Variants in LRRC20 observed in about 807,000 individuals in gnomAD.
The protein encoded by LRRC20 is leucine rich repeat containing 20.
LRRC20 carries 11 observed loss-of-function variants against 14.4 expected under a neutral mutation model. The ratio of observed to expected loss-of-function variants is 0.77; its 90% CI spans 0.48 to 1.27. The LOEUF (loss-of-function observed/expected upper bound fraction) is 1.27. Among genes scored for constraint, LRRC20 ranks in the 50% most tolerant of loss-of-function variants. LRRC20 has a pLI of 0.00. For synonymous variants in LRRC20, 121 were observed against 107.3 expected (o/e 1.13, Z -0.79); for missense variants, 219 against 251.2 (o/e 0.87, Z 0.87).
chr10:70,349,298 C>A lies in LRRC20; in HGVS notation c.83-8596G>T, dbSNP rs559442676. 1.8e-3 allele frequency among the ~76,000 whole-genome samples: 274 copies of A among 152,328 alleles called. 1 individual carries two copies. The highest frequency in any genetic ancestry group is 6.2e-3 in the African/African-American group (257 of 41,564). On this transcript the variant is annotated intron_variant, in intron 2 of 4. Transcript: ENST00000446961. ...CCCATTCAAGTTAATAAGCGCAGGGCTGGGCATGGTGGCTCATGCCTGTAA... is the reference window on the plus strand; with the variant it reads ...CCCATTCAAGTTAATAAGCGCAGGGATGGGCATGGTGGCTCATGCCTGTAA...
At chr10:70,327,312 C>T (rs1030717665) in intron 3 of LRRC20, among the ~76,000 whole-genome samples, 6 of 152,128 alleles carry the variant, frequency 3.9e-5, no homozygotes, top group Admixed American at 2.0e-4. Context: ...CAGTGGCTCA[C>T]GCCTGTAATC....
At chr10:70,323,805 T>C in intron 4 of LRRC20, 58 bp downstream of exon 4, 1 of 1,587,444 alleles carries the variant, frequency 6.3e-7, no homozygotes, top group Non-Finnish European at 8.6e-7. Flanking sequence ...TCCAGAGTCC[T>C]GTGGCCCATG....
At chr10:70,317,138 T>C (rs1199766176) in intron 4 of LRRC20, among the ~76,000 whole-genome samples, 1 of 152,182 alleles carries the variant, frequency 6.6e-6, no homozygotes, top group East Asian at 1.9e-4. Flanking sequence ...AGGTTTGACA[T>C]TGTCCTTCCA....
At chr10:70,318,328 A>ATGC (rs1368849957) in intron 4 of LRRC20, among the ~76,000 whole-genome samples, 2 of 152,188 alleles carry the variant, frequency 1.3e-5, no homozygotes, top group African/African-American at 4.8e-5. Context: ...TTCTCTAGCG[A>ATGC]TGCTGCTGCT....
chr10:70,369,553 G>A (rs193043339), intron 2 of LRRC20, among the ~76,000 whole-genome samples: 15 of 144,432 alleles, frequency 1.0e-4, no homozygotes, highest in African/African-American at 3.3e-4. Context: ...GCCGTGAGCC[G>A]AGATGGTGTC....
chr10:70,326,330 A>ACACACG (rs1554838457), intron 3 of LRRC20, among the ~76,000 whole-genome samples: 1,587 of 150,998 alleles, frequency 0.011, 34 homozygotes, highest in African/African-American at 0.037. Flanking sequence ...ACACACACAC[A>ACACACG]CACGCACGCG....
chr10:70,315,989 C>A (rs1426960328), intron 4 of LRRC20, among the ~76,000 whole-genome samples: 2 of 152,182 alleles, frequency 1.3e-5, no homozygotes, highest in Non-Finnish European at 2.9e-5. Flanking sequence ...TTGGATAAGG[C>A]ATCCTTGCAA....
intron 4 of LRRC20, among the ~76,000 whole-genome samples, chr10:70,317,548 A>T (rs1033839866): frequency 3.3e-5 from 5 of 151,980 alleles, no homozygotes; most frequent in Non-Finnish European, 7.4e-5. Context: ...ATGTTTTTTT[A>T]AAAATTTTTT....
chr10:70,363,960 T>C (rs1843863617), intron 2 of LRRC20, among the ~76,000 whole-genome samples: 1 of 152,000 alleles, frequency 6.6e-6, no homozygotes, highest in Admixed American at 6.6e-5. Flanking sequence ...CAGCCCCCTC[T>C]CCTCCCTGGT....
chr10:70,304,105 C>A (rs1841313599), intron 4 of LRRC20, among the ~76,000 whole-genome samples: 1 of 152,098 alleles, frequency 6.6e-6, no homozygotes, highest in African/African-American at 2.4e-5. Context: ...CCCACCTAAC[C>A]TTTAGGATCA....
intron 4 of LRRC20, among the ~76,000 whole-genome samples, chr10:70,308,191 A>G (rs2136879353): frequency 6.6e-6 from 1 of 152,334 alleles, no homozygotes; most frequent in East Asian, 1.9e-4. Flanking sequence ...GTTCCTGGAC[A>G]TACTGATATT....
At chr10:70,305,396 C>T (rs985649902) in intron 4 of LRRC20, among the ~76,000 whole-genome samples, 10 of 152,056 alleles carry the variant, frequency 6.6e-5, no homozygotes, top group Non-Finnish European at 1.0e-4. Context: ...ATGTATGAGA[C>T]CCCCACCCAG....
chr10:70,332,592 C>T (rs746460835), intron 3 of LRRC20, among the ~76,000 whole-genome samples: 8 of 152,132 alleles, frequency 5.3e-5, no homozygotes, highest in African/African-American at 7.2e-5. Flanking sequence ...TGCAGTGAGC[C>T]GAGATTGCAC....
chr10:70,343,840 C>T, intron 2 of LRRC20, among the ~76,000 whole-genome samples: 1 of 151,898 alleles, frequency 6.6e-6, no homozygotes, highest in Non-Finnish European at 1.5e-5. Flanking sequence ...AAGAAGCTTT[C>T]CCTTTAAAAC....
rs540754695 is a variant in LRRC20 at position 70,317,771 on chromosome 10, C to T, written c.400+6092G>A. Among the ~76,000 whole-genome samples the T allele has an allele frequency of 5.3e-5, 8 of 152,292 alleles. No homozygotes were observed. In the South Asian group the frequency reaches 1.2e-3, roughly 24 times the overall value. ...CTTTTGTGACCATGGTTCAATCTGCCTCGTGAGCCCAGAGGAAGTTCTGAG... is the reference window on the plus strand; with the variant it reads ...CTTTTGTGACCATGGTTCAATCTGCTTCGTGAGCCCAGAGGAAGTTCTGAG... On this transcript the variant is annotated intron_variant, in intron 4 of 4. Transcript: ENST00000446961.
At chr10:70,306,660 T>C (rs1302282984) in intron 4 of LRRC20, among the ~76,000 whole-genome samples, 1 of 152,132 alleles carries the variant, frequency 6.6e-6, no homozygotes, top group East Asian at 1.9e-4. Flanking sequence ...TAATTACTAT[T>C]GTGTGTTTTT....
intron 1 of LRRC20, chr10:70,381,473 T>C (rs1844706652): frequency 6.6e-6 from 1 of 152,276 alleles, no homozygotes. Flanking sequence ...GCCCCCTGAC[T>C]CCAGCCCTTA....
At chr10:70,343,558 G>A (rs1842985369) in intron 2 of LRRC20, among the ~76,000 whole-genome samples, 2 of 152,222 alleles carry the variant, frequency 1.3e-5, no homozygotes, top group Admixed American at 1.3e-4. Flanking sequence ...ATCCTGCCAG[G>A]GAGGAACAAG....
chr10:70,342,804 C>T (rs1842962897), intron 2 of LRRC20, among the ~76,000 whole-genome samples: 1 of 152,132 alleles, frequency 6.6e-6, no homozygotes, highest in Non-Finnish European at 1.5e-5. Flanking sequence ...CTGGGTCACC[C>T]CTTTTGCTGG....
Sources: gnomAD v4.1 joint callset for allele counts (sites outside exome capture counted in the v4.1 genomes callset) on GRCh38, gnomAD v4.1.1 for gene constraint, MANE v1.5 for transcripts, NCBI Gene and HGNC (gene_info 2026-07-23, HGNC 2026-07-21) for gene names.